Variants in HIRA observed in about 807,000 individuals in gnomAD.
HIRA encodes the protein histone cell cycle regulator, also known as protein HIRA.
In HIRA, 13 loss-of-function variants were observed where a neutral mutation model predicts 126.6. That is an observed-to-expected ratio of 0.10 (90% CI 0.07 to 0.16). The LOEUF is 0.16. Ranked by LOEUF, HIRA falls within the 10% of genes least tolerant of loss-of-function variation. The pLI is 1.00. For missense variants in HIRA, 834 were observed against 1,314.4 expected (o/e 0.63, Z 5.65); for synonymous variants, 511 against 520.0 (o/e 0.98, Z 0.24).
chr22:19,355,057 C>T (rs376021436), intron 21 of HIRA, among the ~76,000 whole-genome samples: 79 of 152,092 alleles, frequency 5.2e-4, no homozygotes, highest in African/African-American at 1.6e-3. Context: ...TGTGAGCCAT[C>T]GCACCCAGCA....
Position 19,331,308 on chromosome 22 carries a change from G to C in HIRA, c.*132C>G. On this transcript the variant is annotated 3_prime_UTR_variant, in exon 25 of 25. Transcript: ENST00000263208. ...CTGCCCAGGGAGCTGGGCTGGCGCT[G>C]GTGCAGGACAGCACATCTCCTGCCA... is the stretch of plus-strand genomic sequence containing the variant. 1.3e-6 allele frequency: 2 copies of C among 1,589,514 alleles called. No homozygotes were observed. The highest frequency in any genetic ancestry group is 1.7e-6 in the Non-Finnish European group (2 of 1,174,730).
chr22:19,407,834 G>A (rs1279621963), intron 3 of HIRA, among the ~76,000 whole-genome samples: 4 of 152,132 alleles, frequency 2.6e-5, no homozygotes, highest in African/African-American at 7.2e-5. Flanking sequence ...ATTCCCCCAG[G>A]CCCCTGATGG....
At chr22:19,380,324 AC>A (rs1489444025) in intron 13 of HIRA, among the ~76,000 whole-genome samples, 2 of 152,234 alleles carry the variant, frequency 1.3e-5, no homozygotes, top group Admixed American at 1.3e-4. Flanking sequence ...CTGGGACCCA[AC>A]ATTGTTTCTA....
intron 3 of HIRA, among the ~76,000 whole-genome samples, chr22:19,407,521 A>G (rs2089317974): frequency 6.6e-6 from 1 of 152,260 alleles, no homozygotes; most frequent in Non-Finnish European, 1.5e-5. Context: ...TTAGTGCTGA[A>G]TGACATAGTC....
chr22:19,376,247 T>C (rs1045984382), intron 14 of HIRA, among the ~76,000 whole-genome samples: 1 of 152,178 alleles, frequency 6.6e-6, no homozygotes. Flanking sequence ...GCATCCTCCA[T>C]CCTGAGCGGC....
Position 19,375,738 on chromosome 22 carries a change from C to T in HIRA, c.1668G>A (p.Pro556=), listed in dbSNP as rs376295771. 171 of 1,613,948 alleles carry T rather than the reference C, an allele frequency of 1.1e-4. No homozygotes were observed. In the Admixed American group the frequency reaches 1.1e-3, roughly 10 times the overall value. The change falls in exon 15 of 25, where the codon CCG becomes CCA. Residue 556 remains proline (P), a synonymous_variant. Coordinates refer to ENST00000263208, the MANE Select transcript of HIRA (RefSeq NM_003325.4). ...AALSPSVLTT[P]SKIEPMKAFD... Reference sequence around the variant, plus strand: ...ACGCTTTCATGGGTTCGATCTTGGACGGGGTCGTTAACACAGAAGGTGACA... The same window carrying T: ...ACGCTTTCATGGGTTCGATCTTGGATGGGGTCGTTAACACAGAAGGTGACA...
At chr22:19,413,303 T>C (rs1450258280) in intron 1 of HIRA, among the ~76,000 whole-genome samples, 1 of 152,168 alleles carries the variant, frequency 6.6e-6, no homozygotes, top group African/African-American at 2.4e-5. Context: ...GGATGGAGGC[T>C]GGCAACAAGT....
intron 1 of HIRA, among the ~76,000 whole-genome samples, chr22:19,413,779 T>G (rs1359579646): frequency 6.6e-6 from 1 of 151,832 alleles, no homozygotes. Flanking sequence ...GCCCAGCTAA[T>G]TTTGGTATTT....
At chr22:19,404,196 T>G (rs2089291033) in intron 5 of HIRA, among the ~76,000 whole-genome samples, 1 of 152,210 alleles carries the variant, frequency 6.6e-6, no homozygotes, top group Non-Finnish European at 1.5e-5. Flanking sequence ...TTCATTGATT[T>G]TTCTTCTTGA....
intron 1 of HIRA, among the ~76,000 whole-genome samples, chr22:19,423,523 ACAT>A (rs1291114341): frequency 1.2e-4 from 6 of 51,196 alleles, no homozygotes; most frequent in African/African-American, 5.7e-4. Context: ...ACACACACAC[ACAT>A]ATTTTCAGCT....
At chr22:19,354,228 G>A (rs1054011940) in intron 21 of HIRA, 110 bp from the exon 22 acceptor site, 10 of 1,132,808 alleles carry the variant, frequency 8.8e-6, no homozygotes, top group African/African-American at 7.9e-5. Flanking sequence ...AGCCCCTGCC[G>A]ACACAGAAAG....
At chr22:19,386,340 C>T (rs549874735) in intron 11 of HIRA, among the ~76,000 whole-genome samples, 2 of 152,296 alleles carry the variant, frequency 1.3e-5, no homozygotes, top group South Asian at 4.1e-4. Context: ...TAGACAGGAG[C>T]CTCATGAGAG....
chr22:19,348,253 A>G (rs1165034557), intron 24 of HIRA, among the ~76,000 whole-genome samples: 1 of 152,214 alleles, frequency 6.6e-6, no homozygotes, highest in African/African-American at 2.4e-5. Flanking sequence ...CTATTTCTAC[A>G]ATAAATTTTT....
intron 18 of HIRA, 96 bp downstream of exon 18, chr22:19,359,240 C>T (rs565237116): frequency 2.3e-6 from 3 of 1,325,328 alleles, no homozygotes; most frequent in East Asian, 2.8e-5. Context: ...GCTGGTGCTC[C>T]CAGGGTCATG....
chr22:19,375,526 T>C, intron 15 of HIRA, 105 bp downstream of exon 15: 1 of 1,249,128 alleles, frequency 8.0e-7, no homozygotes, highest in South Asian at 1.4e-5. Context: ...CTAGAGTCTT[T>C]TCCCCAACAG....
chr22:19,346,933 GAGA>G (rs1363200815), intron 24 of HIRA, among the ~76,000 whole-genome samples: 1 of 152,188 alleles, frequency 6.6e-6, no homozygotes, highest in Non-Finnish European at 1.5e-5. Context: ...GGAAGGAGGG[GAGA>G]AGAAGAAATC....
Position 19,331,051 on chromosome 22 carries a change from G to C in HIRA, c.*389C>G. Reference sequence around the variant, plus strand: ...GTCTGCTGTAATACCTAACGCTTCCGGATTCTCTCTCACAAATGGCTCAAT... The same window carrying C: ...GTCTGCTGTAATACCTAACGCTTCCCGATTCTCTCTCACAAATGGCTCAAT... On this transcript the variant is annotated 3_prime_UTR_variant, in exon 25 of 25. Transcript: ENST00000263208. The C allele has an allele frequency of 1.0e-6, 1 of 954,082 alleles. No individual in the cohort carries two copies. The highest frequency in any genetic ancestry group is 1.4e-6 in the Non-Finnish European group (1 of 725,572). 59.1% of individuals were successfully genotyped at this position (954,082 alleles called of 1,614,324 possible). A position where few individuals can be genotyped will look rare whatever the true frequency, so the allele number is the denominator to read the frequency against.
At chr22:19,332,348 TGGGATAAGCA>T (rs1195034332) in intron 24 of HIRA, among the ~76,000 whole-genome samples, 3 of 152,078 alleles carry the variant, frequency 2.0e-5, no homozygotes, top group African/African-American at 7.2e-5. Context: ...TTGTTAGAGA[TGGGATAAGCA>T]GGAGAATGGC....
At chr22:19,345,247 G>T (rs782532231) in intron 24 of HIRA, among the ~76,000 whole-genome samples, 1 of 152,206 alleles carries the variant, frequency 6.6e-6, no homozygotes, top group Non-Finnish European at 1.5e-5. Context: ...AAGATTCAGC[G>T]AAAAACTACT....
Sources: gnomAD v4.1 joint callset for allele counts (sites outside exome capture counted in the v4.1 genomes callset) on GRCh38, gnomAD v4.1.1 for gene constraint, MANE v1.5 for transcripts, NCBI Gene and HGNC (gene_info 2026-07-23, HGNC 2026-07-21) for gene names.